ARHGAP39: variants seen among roughly 807,000 people sequenced by gnomAD.
ARHGAP39 encodes rho GTPase-activating protein 39.
A neutral mutation model predicts 106.9 loss-of-function variants in ARHGAP39; 44 were observed. The observed-to-expected ratio is 0.41, with a 90% CI of 0.32 to 0.53. The LOEUF is 0.53. ARHGAP39 is among the 20% of genes least tolerant of loss of function. The pLI is 0.21. For missense variants in ARHGAP39, 1,496 were observed against 1,577.3 expected (o/e 0.95, Z 0.87); for synonymous variants, 768 against 693.2 (o/e 1.11, Z -1.69).
At position 144,547,315 on chromosome 8, in the gene ARHGAP39, G is replaced by C. The variant is rs1487232559; in HGVS notation, c.1771C>G (p.Leu591Val). Residue 591 changes from leucine (L) to valine (V), a missense_variant, in exon 5 of 12, where the codon CTG becomes GTG. This residue lies in a region of ARHGAP39 where 905 missense variants were observed against 816.4 expected (regional missense o/e 1.11). Transcript: ENST00000377307. This position sits in a 1 kb window ranked among gnomAD's most constrained non-coding sequence, Gnocchi z 5.2. ...ACCGGCCCGGGCATGGGCAGTGGCA[G>C]GGCGCCGTCGCTCTCGTAGCCAGAG... ...DGSGYESDGA[L>V]PLPMPGPVVR... The C allele has an allele frequency of 1.9e-6, 3 of 1,610,112 alleles. No homozygotes were observed. In the African/African-American group the frequency reaches 4.0e-5, roughly 22 times the overall value.
rs1024631700 is a variant in ARHGAP39, at chr8:144,604,087, C to T, written c.80+1448G>A. Among the ~76,000 whole-genome samples, 1 of 152,220 alleles carries T rather than the reference C, an allele frequency of 6.6e-6. No homozygotes were observed. Reference sequence around the variant, plus strand: ...CTCCTGCTCAGGTCAAGGCAGAGTGCGGATCGCAACTGTGGAAGGTGCACA... The same window carrying T: ...CTCCTGCTCAGGTCAAGGCAGAGTGTGGATCGCAACTGTGGAAGGTGCACA... On this transcript the variant is annotated intron_variant, in intron 2 of 11. Transcript: ENST00000377307. This position sits in a 1 kb window ranked among gnomAD's most constrained non-coding sequence, Gnocchi z 4.1.
intron 1 of ARHGAP39, among the ~76,000 whole-genome samples, chr8:144,634,011 A>AT (rs1326701699): frequency 6.6e-6 from 1 of 152,274 alleles, no homozygotes; most frequent in Non-Finnish European, 1.5e-5. Flanking sequence ...GACAAACCAA[A>AT]TATAAAGATG....
chr8:144,589,547 GA>G (rs1819312682), intron 2 of ARHGAP39, among the ~76,000 whole-genome samples: 5 of 152,208 alleles, frequency 3.3e-5, no homozygotes, highest in Admixed American at 3.3e-4. Flanking sequence ...CAAAACACAG[GA>G]GACCTCTCCA....
intron 1 of ARHGAP39, among the ~76,000 whole-genome samples, chr8:144,678,174 G>T (rs1822292296): frequency 6.6e-6 from 1 of 152,070 alleles, no homozygotes; most frequent in South Asian, 2.1e-4. Flanking sequence ...GGAGGCCGAG[G>T]TGGGAGGATC....
chr8:144,678,704 C>T (rs1822307846), intron 1 of ARHGAP39, among the ~76,000 whole-genome samples: 1 of 152,242 alleles, frequency 6.6e-6, no homozygotes, highest in African/African-American at 2.4e-5. Context: ...ACAGCATCCC[C>T]AGCCTCCACA....
chr8:144,649,321 G>A (rs1230941840), intron 1 of ARHGAP39, among the ~76,000 whole-genome samples: 1 of 151,736 alleles, frequency 6.6e-6, no homozygotes, highest in Non-Finnish European at 1.5e-5. Flanking sequence ...GTGGTGGCGG[G>A]CGCCTGTAGT....
intron 3 of ARHGAP39, among the ~76,000 whole-genome samples, chr8:144,561,146 G>A (rs1474567777): frequency 2.6e-5 from 4 of 152,174 alleles, no homozygotes; most frequent in Non-Finnish European, 4.4e-5. Flanking sequence ...GCACCCCAGC[G>A]GTTTCCATCA....
intron 2 of ARHGAP39, among the ~76,000 whole-genome samples, chr8:144,605,193 C>G (rs1258343870): frequency 6.6e-6 from 1 of 152,154 alleles, no homozygotes; most frequent in Non-Finnish European, 1.5e-5. Flanking sequence ...CCTAGGAGTT[C>G]AAGGCTGCAG....
chr8:144,654,760 C>A (rs1821655075), intron 1 of ARHGAP39, among the ~76,000 whole-genome samples: 1 of 152,098 alleles, frequency 6.6e-6, no homozygotes, highest in South Asian at 2.1e-4. Flanking sequence ...GGAAGCCCAG[C>A]CCTCCTGGGT....
intron 1 of ARHGAP39, among the ~76,000 whole-genome samples, chr8:144,667,849 G>C (rs1485790767): frequency 6.6e-6 from 1 of 152,148 alleles, no homozygotes; most frequent in African/African-American, 2.4e-5. Context: ...CAGAGCATAA[G>C]CATCAGATTA....
intron 1 of ARHGAP39, among the ~76,000 whole-genome samples, chr8:144,669,635 C>T (rs1376099862): frequency 6.6e-6 from 1 of 151,594 alleles, no homozygotes; most frequent in Admixed American, 6.6e-5. Context: ...TGATCCGGCA[C>T]TTGTATACAG....
At chr8:144,697,142 T>C in the ARHGAP39 span, among the ~76,000 whole-genome samples, 7 of 151,942 alleles carry the variant, frequency 4.6e-5, no homozygotes, top group African/African-American at 1.7e-4. Flanking sequence ...CTGACCAACA[T>C]AGTGAAACCC....
intron 10 of ARHGAP39, among the ~76,000 whole-genome samples, chr8:144,531,451 A>G (rs1386989391): frequency 5.8e-3 from 22 of 3,782 alleles, no homozygotes; most frequent in Middle Eastern, 0.1. Flanking sequence ...GGAGTGGGCT[A>G]GACATAGCAG....
Position 144,562,504 on chromosome 8 carries a change from G to A in ARHGAP39, c.513-6861C>T, listed in dbSNP as rs897630338. On this transcript the variant is annotated intron_variant, in intron 3 of 11. Coordinates refer to ENST00000377307, the MANE Select transcript of ARHGAP39 (RefSeq NM_025251.3). ...CCATCGCACTCCAGTGGTTTCCATC[G>A]GACTCACTCCAGTGGTTTCCATCGG... Among the ~76,000 whole-genome samples, 11 of 139,456 alleles carry A rather than the reference G, an allele frequency of 7.9e-5. No homozygotes were observed. In the South Asian group the frequency reaches 1.6e-3, roughly 20 times the overall value. 91.5% of individuals were successfully genotyped at this position (139,456 alleles called of 152,430 possible).
chr8:144,610,451 C>T (rs1820450032), intron 1 of ARHGAP39, among the ~76,000 whole-genome samples: 1 of 152,168 alleles, frequency 6.6e-6, no homozygotes, highest in South Asian at 2.1e-4. Flanking sequence ...GTGGCCCACG[C>T]CTGTAATCCC....
Position 144,545,694 on chromosome 8 carries a change from C to T in ARHGAP39, c.2076G>A (p.Thr692=), listed in dbSNP as rs753179513. ...TFTLRKPSSE[T]DIENWASKHF... Reference sequence around the variant, plus strand: ...GCTTGGAGGCCCAGTTCTCGATGTCCGTCTCCGAGGAGGGCTTGCGCAGCG... The same window carrying T: ...GCTTGGAGGCCCAGTTCTCGATGTCTGTCTCCGAGGAGGGCTTGCGCAGCG... Residue 692 remains threonine, a synonymous_variant, in exon 6 of 12, where the codon ACG becomes ACA. Transcript: ENST00000377307. The T allele has an allele frequency of 3.0e-5, 49 of 1,613,152 alleles. No homozygotes were observed. In the Admixed American group the frequency reaches 4.2e-4, roughly 14 times the overall value.
chr8:144,572,227 T>C (rs140690413), intron 3 of ARHGAP39, among the ~76,000 whole-genome samples: 1,671 of 152,250 alleles, frequency 0.011, 32 homozygotes, highest in African/African-American at 0.038. Flanking sequence ...CTTCAAACTA[T>C]ACTACAAGGC....
At chr8:144,628,707 A>G (rs1195367500) in intron 1 of ARHGAP39, among the ~76,000 whole-genome samples, 1 of 152,176 alleles carries the variant, frequency 6.6e-6, no homozygotes, top group Non-Finnish European at 1.5e-5. Flanking sequence ...CCCACCCTCT[A>G]AATAACCCAT....
At chr8:144,579,095 G>C (rs1025208794) in intron 3 of ARHGAP39, among the ~76,000 whole-genome samples, 4 of 151,134 alleles carry the variant, frequency 2.6e-5, no homozygotes, top group Non-Finnish European at 5.9e-5. Flanking sequence ...CCAGCTACTC[G>C]GGAGGCTGAG....
Sources: gnomAD v4.1 joint callset for allele counts (sites outside exome capture counted in the v4.1 genomes callset) on GRCh38, gnomAD v4.1.1 for gene constraint, gnomAD v4.1.1 regional missense constraint, Gnocchi (gnomAD v3.1) non-coding constraint, MANE v1.5 for transcripts, NCBI Gene and HGNC (gene_info 2026-07-23, HGNC 2026-07-21) for gene names.